The following MAML3 variants were observed in gnomAD, a reference collection of about 807,000 sequenced individuals.
MAML3 encodes the protein mastermind like transcriptional coactivator 3, also known as mastermind-like protein 3.
MAML3 carries 27 observed loss-of-function variants against 101.9 expected under a neutral mutation model. The ratio of observed to expected loss-of-function variants is 0.27; its 90% confidence interval spans 0.20 to 0.37. The LOEUF (loss-of-function observed/expected upper bound fraction) is 0.37, where lower values mean the gene tolerates loss of function less well. MAML3 is among the 10% of genes least tolerant of loss of function. MAML3 has a pLI of 1.00. For missense variants in MAML3, 1,316 were observed against 1,444.9 expected, an observed-to-expected ratio of 0.91 and a Z score of 1.45; for synonymous variants, 501 against 555.9, an observed-to-expected ratio of 0.90 and a Z score of 1.39.
intron 2 of MAML3, among the ~76,000 whole-genome samples, chr4:139,756,779 A>T (rs1388730086): frequency 6.6e-6 from 1 of 152,166 alleles, no homozygotes; most frequent in Non-Finnish European, 1.5e-5. Flanking sequence ...GGCAGCACAC[A>T]ATATTTTCGA....
chr4:140,136,920 T>A (rs1728897373), intron 1 of MAML3, among the ~76,000 whole-genome samples: 1 of 152,262 alleles, frequency 6.6e-6, no homozygotes, highest in South Asian at 2.1e-4. Flanking sequence ...TTTTTCTTCC[T>A]CCCATTTCAT....
At chr4:140,123,622 C>T (rs749681048) in intron 1 of MAML3, among the ~76,000 whole-genome samples, 56 of 152,300 alleles carry the variant, frequency 3.7e-4, no homozygotes, top group Non-Finnish European at 7.9e-4. Flanking sequence ...GTACAGCCTA[C>T]CCCATCAGAA....
intron 1 of MAML3, among the ~76,000 whole-genome samples, chr4:140,071,755 T>TAGAC (rs1553972687): frequency 2.2e-5 from 3 of 137,358 alleles, no homozygotes; most frequent in African/African-American, 5.4e-5. Context: ...GGACCAGGAT[T>TAGAC]AGAGAGAGAG....
chr4:139,906,643 T>C (rs1732827292), intron 1 of MAML3, among the ~76,000 whole-genome samples: 1 of 152,218 alleles, frequency 6.6e-6, no homozygotes, highest in Non-Finnish European at 1.5e-5. Context: ...AACTTTCTGT[T>C]CAAATTGTGG....
chr4:140,148,723 T>C (rs1407357405), intron 1 of MAML3, among the ~76,000 whole-genome samples: 1 of 152,232 alleles, frequency 6.6e-6, no homozygotes, highest in East Asian at 1.9e-4. Flanking sequence ...ACTAATATGT[T>C]GACATTTCCT....
At chr4:140,114,040 T>G (rs139532051) in intron 1 of MAML3, among the ~76,000 whole-genome samples, 1,723 of 152,276 alleles carry the variant, frequency 0.011, 41 homozygotes, top group African/African-American at 0.039. Flanking sequence ...TCCTATGCCT[T>G]TAAAGTCCTT....
chr4:139,851,884 G>A (rs2111156355), intron 2 of MAML3, among the ~76,000 whole-genome samples: 1 of 152,280 alleles, frequency 6.6e-6, no homozygotes, highest in South Asian at 2.1e-4. Flanking sequence ...GTGAATAGCT[G>A]AGGGATTGCT....
intron 1 of MAML3, among the ~76,000 whole-genome samples, chr4:139,914,338 G>A (rs1316704260): frequency 6.6e-6 from 1 of 152,132 alleles, no homozygotes; most frequent in Non-Finnish European, 1.5e-5. Context: ...TAAGAAGCTA[G>A]GGATGAATAA....
At position 140,045,773 on chromosome 4, in the gene MAML3, G is replaced by A. The variant is rs181386304; in HGVS notation, c.468+107087C>T. 7.9e-5 allele frequency among the ~76,000 whole-genome samples: 12 copies of A among 152,240 alleles called. No homozygotes were observed. The East Asian group carries it at 9.7e-4, about 12-fold the overall frequency. On this transcript the variant is annotated intron_variant, in intron 1 of 4. Transcript: ENST00000509479. ...GGGGCAGCCCTTGGAAAGGGGTCTCGAGCCTCACTGACCCATCAGAAGAGC... is the reference window on the plus strand; with the variant it reads ...GGGGCAGCCCTTGGAAAGGGGTCTCAAGCCTCACTGACCCATCAGAAGAGC...
intron 1 of MAML3, among the ~76,000 whole-genome samples, chr4:139,942,109 A>G (rs1478726580): frequency 6.6e-6 from 1 of 152,030 alleles, no homozygotes; most frequent in Non-Finnish European, 1.5e-5. Flanking sequence ...ACTCCAGCCT[A>G]GGCAATAAGA....
At chr4:139,841,411 C>G (rs1280036720) in intron 2 of MAML3, among the ~76,000 whole-genome samples, 1 of 152,202 alleles carries the variant, frequency 6.6e-6, no homozygotes, top group Non-Finnish European at 1.5e-5. Flanking sequence ...CAGGGGTTCT[C>G]AAATAATCAA....
At chr4:139,884,279 AGCT>A (rs1732281276) in intron 2 of MAML3, among the ~76,000 whole-genome samples, 1 of 152,234 alleles carries the variant, frequency 6.6e-6, no homozygotes, top group South Asian at 2.1e-4. Flanking sequence ...ATGACTAAAA[AGCT>A]TATAATAATA....
At chr4:139,938,801 A>G (rs1391934851) in intron 1 of MAML3, among the ~76,000 whole-genome samples, 1 of 152,196 alleles carries the variant, frequency 6.6e-6, no homozygotes, top group Non-Finnish European at 1.5e-5. Flanking sequence ...AAATAACGAG[A>G]CTAATTTTTA....
At chr4:139,975,164 T>C (rs1243711509) in intron 1 of MAML3, among the ~76,000 whole-genome samples, 1 of 152,128 alleles carries the variant, frequency 6.6e-6, no homozygotes, top group Non-Finnish European at 1.5e-5. Context: ...TGCAAGGCTT[T>C]GCAGCATCTG....
At chr4:140,003,240 G>C (rs1726361359) in intron 1 of MAML3, among the ~76,000 whole-genome samples, 1 of 152,152 alleles carries the variant, frequency 6.6e-6, no homozygotes, top group Non-Finnish European at 1.5e-5. Context: ...GGGTTGGGGT[G>C]CATTTGGAAG....
intron 1 of MAML3, among the ~76,000 whole-genome samples, chr4:140,063,137 A>G (rs1727474107): frequency 6.6e-6 from 1 of 152,192 alleles, no homozygotes; most frequent in Non-Finnish European, 1.5e-5. Context: ...TTAAGACCAT[A>G]GGGCTATTAA....
chr4:140,092,075 C>A, intron 1 of MAML3, among the ~76,000 whole-genome samples: 1 of 61,680 alleles, frequency 1.6e-5, no homozygotes, highest in South Asian at 5.0e-4. Context: ...TATATATATA[C>A]GTATATATAT....
intron 2 of MAML3, among the ~76,000 whole-genome samples, chr4:139,819,273 G>A (rs189931746): frequency 1.1e-4 from 17 of 152,296 alleles, no homozygotes; most frequent in African/African-American, 3.9e-4. Context: ...CTGGCTCCCT[G>A]AAGTGTGTGG....
At chr4:139,808,643 C>A (rs1730741056) in intron 2 of MAML3, among the ~76,000 whole-genome samples, 2 of 152,194 alleles carry the variant, frequency 1.3e-5, no homozygotes, top group South Asian at 4.1e-4. Context: ...CCAGTCACTG[C>A]CATTCCCCCT....
Sources: gnomAD v4.1 joint callset for allele counts (sites outside exome capture counted in the v4.1 genomes callset) on GRCh38, gnomAD v4.1.1 for gene constraint, MANE v1.5 for transcripts, NCBI Gene and HGNC (gene_info 2026-07-23, HGNC 2026-07-21) for gene names.